HCK: variants seen among roughly 807,000 people sequenced by gnomAD.
The protein encoded by HCK is HCK proto-oncogene, Src family tyrosine kinase.
HCK carries 40 observed loss-of-function variants against 70.4 expected under a neutral mutation model. That is an observed-to-expected ratio of 0.57 (90% confidence interval 0.44 to 0.74). HCK has a LOEUF of 0.74. Ranked by LOEUF, HCK falls within the 30% of genes least tolerant of loss-of-function variation. The pLI, the probability that HCK is intolerant of heterozygous loss-of-function variation, is 0.00. For missense variants in HCK, 568 were observed against 697.2 expected (o/e 0.81, Z 2.09); for synonymous variants, 245 against 263.2 (o/e 0.93, Z 0.67).
intron 6 of HCK, 64 bp downstream of exon 6, chr20:32,079,941 C>A (rs1393911198): frequency 6.6e-6 from 8 of 1,208,536 alleles, no homozygotes; most frequent in African/African-American, 1.5e-5. Flanking sequence ...CTGGCCACCA[C>A]CCTTTCCTTG....
chr20:32,062,002 C>A (rs369736937), intron 1 of HCK, among the ~76,000 whole-genome samples: 1 of 142,438 alleles, frequency 7.0e-6, no homozygotes, highest in Non-Finnish European at 1.5e-5. Flanking sequence ...TGCAGTGGTG[C>A]GACCTCGGCT....
At chr20:32,093,007 C>T (rs187275349) in intron 10 of HCK, among the ~76,000 whole-genome samples, 4 of 152,152 alleles carry the variant, frequency 2.6e-5, no homozygotes, top group East Asian at 1.9e-4. Flanking sequence ...GACAGTGGCA[C>T]GATCTCGGCT....
At chr20:32,072,503 A>G (rs890299127) in intron 2 of HCK, 2 of 144,752 alleles carry the variant, frequency 1.4e-5, no homozygotes, top group African/African-American at 5.2e-5. Flanking sequence ...TTCGAACTGC[A>G]TGAGCTATGA....
At chr20:32,071,539 T>G (rs1600717940) in intron 1 of HCK, 123 bp from the exon 2 acceptor site, 1 of 1,239,180 alleles carries the variant, frequency 8.1e-7, no homozygotes, top group East Asian at 2.4e-5. Flanking sequence ...GGCAGGGGAG[T>G]TAAGACCGGG....
At chr20:32,052,792 CGG>C (rs1491306961) in intron 1 of HCK, among the ~76,000 whole-genome samples, 8 of 79,216 alleles carry the variant, frequency 1.0e-4, no homozygotes, top group Non-Finnish European at 1.8e-4. Context: ...TGGGGGGGGG[CGG>C]GGATTTTTTT....
At chr20:32,080,443 C>A (rs2045693826) in intron 6 of HCK, among the ~76,000 whole-genome samples, 1 of 152,066 alleles carries the variant, frequency 6.6e-6, no homozygotes. Context: ...GCGATCCACC[C>A]CTCTTGCCCT....
intron 1 of HCK, among the ~76,000 whole-genome samples, chr20:32,061,689 A>G (rs981352270): frequency 3.9e-5 from 6 of 152,196 alleles, no homozygotes; most frequent in Non-Finnish European, 7.3e-5. Flanking sequence ...TTCTGGGTGA[A>G]GAATATTCCA....
intron 11 of HCK, 136 bp downstream of exon 11, chr20:32,094,152 A>G (rs2045902536): frequency 1.3e-6 from 1 of 768,944 alleles, no homozygotes; most frequent in African/African-American, 1.7e-5. Context: ...AGCTTGGTGG[A>G]TCCTTCTGGA....
chr20:32,059,409 T>TTCTC (rs960908878), intron 1 of HCK, among the ~76,000 whole-genome samples: 114 of 86,910 alleles, frequency 1.3e-3, no homozygotes, highest in East Asian at 5.4e-3. Context: ...CCTTTCTTCT[T>TTCTC]TCTCTCTCTC....
intron 5 of HCK, among the ~76,000 whole-genome samples, chr20:32,075,520 A>G (rs1341466274): frequency 3.9e-5 from 6 of 152,066 alleles, no homozygotes; most frequent in Admixed American, 3.3e-4. Flanking sequence ...CATTTGATTC[A>G]TTCGACAAGC....
chr20:32,069,096 C>T (rs1354387488), intron 1 of HCK, among the ~76,000 whole-genome samples: 7 of 152,190 alleles, frequency 4.6e-5, no homozygotes, highest in African/African-American at 7.2e-5. Context: ...GGCAGTGTCA[C>T]GTCTGCCAGT....
Position 32,084,394 on chromosome 20 carries a change from G to T in HCK, c.686G>T (p.Gly229Val). 6.2e-7 allele frequency: 1 copy of T among 1,612,460 alleles called. No homozygotes were observed. The highest frequency in any genetic ancestry group is 8.5e-7 in the Non-Finnish European group (1 of 1,179,094). The change falls in exon 8 of 13, where the codon GGG (glycine) becomes GTG (valine). Residue 229 changes from glycine to valine, a missense_variant. Gly to Val is a moderately radical substitution (Grantham distance 109). Coordinates refer to ENST00000375852, the MANE Select transcript of HCK (RefSeq NM_002110.5). ...TTGACCAGGGACTCTGTTCCAGAGGGGAACGACGGGCTCTGCCAGAAACTG... is the reference window on the plus strand; with the variant it reads ...TTGACCAGGGACTCTGTTCCAGAGGTGAACGACGGGCTCTGCCAGAAACTG...
At chr20:32,063,992 C>CTTTTTTTT (rs58620860) in intron 1 of HCK, among the ~76,000 whole-genome samples, 2 of 54,210 alleles carry the variant, frequency 3.7e-5, no homozygotes, top group Non-Finnish European at 6.2e-5. Flanking sequence ...ATCTCTACTT[C>CTTTTTTTT]TTTTTTTTTT....
At chr20:32,058,630 A>ACACACG (rs1555873976) in intron 1 of HCK, among the ~76,000 whole-genome samples, 1 of 151,470 alleles carries the variant, frequency 6.6e-6, no homozygotes, top group Non-Finnish European at 1.5e-5. Flanking sequence ...ACACACACAC[A>ACACACG]CACACACACA....
chr20:32,057,329 G>A (rs1389017538), intron 1 of HCK, among the ~76,000 whole-genome samples: 2 of 152,182 alleles, frequency 1.3e-5, no homozygotes, highest in Non-Finnish European at 2.9e-5. Context: ...GGCTGGGTGC[G>A]GTGGCTCACC....
At chr20:32,094,375 G>A (rs1464764159) in intron 11 of HCK, among the ~76,000 whole-genome samples, 4 of 152,068 alleles carry the variant, frequency 2.6e-5, no homozygotes, top group Admixed American at 6.6e-5. Context: ...ATAATACCAC[G>A]CAGTGATGAA....
intron 1 of HCK, among the ~76,000 whole-genome samples, chr20:32,071,109 G>A (rs1236424561): frequency 6.6e-6 from 1 of 152,150 alleles, no homozygotes; most frequent in Non-Finnish European, 1.5e-5. Context: ...TATAAAAATG[G>A]CAATTTATCA....
intron 1 of HCK, among the ~76,000 whole-genome samples, chr20:32,053,303 G>T (rs564211304): frequency 6.6e-6 from 1 of 152,090 alleles, no homozygotes; most frequent in African/African-American, 2.4e-5. Context: ...GATGGGGAGA[G>T]TAATAGTACC....
chr20:32,092,986 C>A (rs1285467060), intron 10 of HCK, among the ~76,000 whole-genome samples: 1 of 152,070 alleles, frequency 6.6e-6, no homozygotes, highest in Non-Finnish European at 1.5e-5. Flanking sequence ...GCTCTGTCGC[C>A]CAGGCTGGAG....
Sources: allele counts gnomAD v4.1 joint callset (sites outside exome capture counted in the v4.1 genomes callset), GRCh38; gene constraint gnomAD v4.1.1; transcripts MANE v1.5; gene names NCBI Gene and HGNC (gene_info 2026-07-23, HGNC 2026-07-21).